The following CD38 variants were observed in gnomAD, a reference collection of about 807,000 sequenced individuals.
The protein encoded by CD38 is CD38 molecule, also known as ADP-ribosyl cyclase/cyclic ADP-ribose hydrolase 1.
CD38 carries 31 observed loss-of-function variants against 36.3 expected under a neutral mutation model. The ratio of observed to expected loss-of-function variants is 0.85; its 90% confidence interval spans 0.64 to 1.15. CD38 has a LOEUF of 1.15. CD38 is among the 50% of genes most tolerant of loss of function. CD38 has a pLI of 0.00. For synonymous variants in CD38, 131 were observed against 135.2 expected, an observed-to-expected ratio of 0.97 and a Z score of 0.22; for missense variants, 380 against 371.9, an observed-to-expected ratio of 1.02 and a Z score of -0.18.
At position 15,824,945 on chromosome 4, in the gene CD38, T is replaced by G; in HGVS notation, c.428T>G (p.Phe143Cys). The G allele has an allele frequency of 6.2e-7, 1 of 1,613,898 alleles. No homozygotes were observed. Among genetic ancestry groups the G allele is most frequent in the Non-Finnish European group, 8.5e-7 (1 of 1,179,866 alleles). ...HQFTQVQRDM[F>C]TLEDTLLGYL... ...TTCACACAGGTCCAGCGGGACATGTTCACCCTGGAGGACACGCTGCTAGGC... is the reference window on the plus strand; with the variant it reads ...TTCACACAGGTCCAGCGGGACATGTGCACCCTGGAGGACACGCTGCTAGGC... Residue 143 changes from phenylalanine (F) to cysteine (C), a missense_variant, in exon 3 of 8, where the codon TTC (phenylalanine) becomes TGC (cysteine). Phe to Cys is a radical substitution (Grantham distance 205, BLOSUM62 -2). Transcript: ENST00000226279.
chr4:15,786,191 G>A (rs564579699), intron 1 of CD38, among the ~76,000 whole-genome samples: 6 of 152,340 alleles, frequency 3.9e-5, no homozygotes, highest in East Asian at 1.9e-4. Context: ...GTGTAGAAGT[G>A]TAGAACGGGA....
intron 1 of CD38, among the ~76,000 whole-genome samples, chr4:15,814,815 T>G (rs1186174197): frequency 6.6e-6 from 1 of 151,324 alleles, no homozygotes; most frequent in African/African-American, 2.4e-5. Flanking sequence ...GTTTTTTGTT[T>G]TTTTTTTTTG....
At chr4:15,797,734 C>G (rs1443108327) in intron 1 of CD38, among the ~76,000 whole-genome samples, 1 of 152,082 alleles carries the variant, frequency 6.6e-6, no homozygotes, top group East Asian at 1.9e-4. Context: ...CTCAGGTGTT[C>G]CTTGTCTTGT....
chr4:15,808,914 G>A (rs1723403182), intron 1 of CD38, among the ~76,000 whole-genome samples: 1 of 152,182 alleles, frequency 6.6e-6, no homozygotes, highest in Non-Finnish European at 1.5e-5. Context: ...CAACGTTTGG[G>A]ATGGCCTCTT....
intron 1 of CD38, among the ~76,000 whole-genome samples, chr4:15,791,689 C>T (rs1311027418): frequency 3.3e-5 from 3 of 90,086 alleles, no homozygotes; most frequent in African/African-American, 8.2e-5. Flanking sequence ...GGATCAGCCC[C>T]CCGCCTGGCC....
At chr4:15,841,779 G>T (rs1008580269) in intron 7 of CD38, among the ~76,000 whole-genome samples, 2 of 144,354 alleles carry the variant, frequency 1.4e-5, no homozygotes, top group Admixed American at 6.8e-5. Context: ...TTCCCTTTCC[G>T]AGTCAAAGAA....
intron 5 of CD38, 118 bp downstream of exon 5, chr4:15,838,283 C>CA: frequency 1.3e-6 from 1 of 784,970 alleles, no homozygotes; most frequent in Non-Finnish European, 2.1e-6. Context: ...AGATTAGGGC[C>CA]AAAAAAGGTA....
At chr4:15,836,617 T>C (rs1289307041) in intron 4 of CD38, among the ~76,000 whole-genome samples, 1 of 152,228 alleles carries the variant, frequency 6.6e-6, no homozygotes, top group African/African-American at 2.4e-5. Flanking sequence ...CCTGGGCTAA[T>C]AAGTTACAGA....
intron 7 of CD38, among the ~76,000 whole-genome samples, chr4:15,841,213 G>A (rs1724198135): frequency 6.6e-6 from 1 of 152,116 alleles, no homozygotes; most frequent in Non-Finnish European, 1.5e-5. Context: ...GGTACTCATT[G>A]GTAGAAGCAT....
In CD38 at chr4:15,816,619, TCAGACCG is replaced by T; in HGVS notation, c.343_349del (p.Gln115TyrfsTer12). ...ATCAGCCACTAATGAAGTTGGGAACTCAGACCGTACCTTGCAACAAGGTAATTGGGGG... is the reference window on the plus strand; with the variant it reads ...ATCAGCCACTAATGAAGTTGGGAACTTACCTTGCAACAAGGTAATTGGGGG... On this transcript the variant is annotated frameshift_variant, in exon 2 of 8. Coordinates refer to ENST00000226279, the MANE Select transcript of CD38 (RefSeq NM_001775.4). LOFTEE classifies it high-confidence loss of function. 13 of 1,613,980 alleles carry T rather than the reference TCAGACCG, an allele frequency of 8.1e-6. No homozygotes were observed. Among genetic ancestry groups the T allele is most frequent in the Non-Finnish European group, 1.1e-5 (13 of 1,179,900 alleles).
At chr4:15,814,522 A>T (rs1467307585) in intron 1 of CD38, among the ~76,000 whole-genome samples, 6 of 152,150 alleles carry the variant, frequency 3.9e-5, no homozygotes, top group Non-Finnish European at 8.8e-5. Flanking sequence ...GCCCATGCCT[A>T]TGTCCTGAAT....
intron 1 of CD38, among the ~76,000 whole-genome samples, chr4:15,808,111 T>C (rs1723382096): frequency 6.6e-6 from 1 of 152,186 alleles, no homozygotes; most frequent in African/African-American, 2.4e-5. Flanking sequence ...ACATTATTTG[T>C]AGTGTGATTC....
chr4:15,840,218 A>G (rs1724172521), intron 6 of CD38, 100 bp downstream of exon 6: 1 of 857,872 alleles, frequency 1.2e-6, no homozygotes, highest in Non-Finnish European at 2.0e-6. Flanking sequence ...GACTCAGGAA[A>G]TGAAACTACA....
chr4:15,847,504 A>G (rs1724281790), intron 7 of CD38, among the ~76,000 whole-genome samples: 3 of 108,728 alleles, frequency 2.8e-5, no homozygotes, highest in African/African-American at 1.2e-4. Flanking sequence ...GCACATGTAT[A>G]CATATGTAAC....
chr4:15,824,042 AAC>A (rs1285477870), intron 2 of CD38, among the ~76,000 whole-genome samples: 1 of 152,168 alleles, frequency 6.6e-6, no homozygotes, highest in Non-Finnish European at 1.5e-5. Context: ...TCAGCAAACT[AAC>A]ACAGGAACAT....
chr4:15,815,452 T>C (rs1392664613), intron 1 of CD38, among the ~76,000 whole-genome samples: 1 of 152,218 alleles, frequency 6.6e-6, no homozygotes, highest in East Asian at 1.9e-4. Context: ...AGCAGTGGTT[T>C]GTAGTTCTCC....
At chr4:15,784,989 G>A (rs1395723733) in intron 1 of CD38, among the ~76,000 whole-genome samples, 3 of 151,976 alleles carry the variant, frequency 2.0e-5, no homozygotes, top group African/African-American at 7.3e-5. Flanking sequence ...CTGGGAGGCG[G>A]AGGTTGCAAT....
chr4:15,829,097 T>C (rs1232233056), intron 3 of CD38, among the ~76,000 whole-genome samples: 1 of 152,202 alleles, frequency 6.6e-6, no homozygotes, highest in Non-Finnish European at 1.5e-5. Context: ...TAAAATATAT[T>C]TGTTGGCCAT....
Position 15,816,640 on chromosome 4 carries a change from G to A in CD38, c.363G>A (p.Lys121=). Residue 121 remains lysine, a splice_region_variant and synonymous_variant, in exon 2 of 8, where the codon AAG becomes AAA. Coordinates refer to ENST00000226279, the MANE Select transcript of CD38 (RefSeq NM_001775.4). ...KLGTQTVPCN[K]ILLWSRIKDL... is the part of the protein sequence containing the mutation. ...GAACTCAGACCGTACCTTGCAACAA[G>A]GTAATTGGGGGCATGCCATTGATTT... 2 of 1,613,614 alleles carry A rather than the reference G, an allele frequency of 1.2e-6. No homozygotes were observed. The highest frequency in any genetic ancestry group is 1.7e-6 in the Non-Finnish European group (2 of 1,179,730).
Sources: gnomAD v4.1 joint callset for allele counts (sites outside exome capture counted in the v4.1 genomes callset) on GRCh38, gnomAD v4.1.1 for gene constraint, MANE v1.5 for transcripts, NCBI Gene and HGNC (gene_info 2026-07-23, HGNC 2026-07-21) for gene names.